RTN1: variants seen among roughly 807,000 people sequenced by gnomAD.
The protein encoded by RTN1 is reticulon-1.
A neutral mutation model predicts 65.5 loss-of-function variants in RTN1; 25 were observed. That is an observed-to-expected ratio of 0.38 (90% confidence interval 0.28 to 0.53). The LOEUF (loss-of-function observed/expected upper bound fraction) is 0.53, where lower values mean the gene tolerates loss of function less well. RTN1 is among the 20% of genes least tolerant of loss of function. RTN1 has a pLI of 0.79. For synonymous variants in RTN1, 471 were observed against 447.6 expected (o/e 1.05, Z -0.66); for missense variants, 983 against 1,025.4 (o/e 0.96, Z 0.57).
At chr14:59,821,787 T>G (rs1886948944) in intron 1 of RTN1, among the ~76,000 whole-genome samples, 1 of 152,232 alleles carries the variant, frequency 6.6e-6, no homozygotes, top group African/African-American at 2.4e-5. Context: ...GCTTTTCTTT[T>G]TAGTTCTGTT....
At chr14:59,686,990 T>G (rs1283172647) in intron 3 of RTN1, among the ~76,000 whole-genome samples, 1 of 152,212 alleles carries the variant, frequency 6.6e-6, no homozygotes, top group East Asian at 1.9e-4. Flanking sequence ...GGTAGTGGCC[T>G]CTGCAACCAG....
intron 1 of RTN1, among the ~76,000 whole-genome samples, chr14:59,754,898 C>T (rs1566715758): frequency 6.6e-6 from 1 of 152,076 alleles, no homozygotes; most frequent in Admixed American, 6.6e-5. Context: ...CACAGCTCCA[C>T]GAGCAGGTGG....
intron 1 of RTN1, among the ~76,000 whole-genome samples, chr14:59,815,945 C>T (rs992000064): frequency 2.6e-5 from 4 of 152,188 alleles, no homozygotes; most frequent in African/African-American, 9.7e-5. Context: ...TGCCTTTGCT[C>T]AGGGTGTTAT....
intron 3 of RTN1, chr14:59,610,361 T>A (rs1881909682): frequency 1.8e-6 from 1 of 555,088 alleles, no homozygotes; most frequent in Non-Finnish European, 3.2e-6. Context: ...ACTGTTATCT[T>A]AAAACAACAG....
chr14:59,797,752 A>C (rs1043716657), intron 1 of RTN1, among the ~76,000 whole-genome samples: 6 of 152,206 alleles, frequency 3.9e-5, no homozygotes, highest in Non-Finnish European at 7.4e-5. Flanking sequence ...GTCATATTAA[A>C]GATAAAATTC....
chr14:59,609,341 T>TGATGCAAAGATGCTA (rs1881873046), intron 3 of RTN1, among the ~76,000 whole-genome samples: 1 of 151,828 alleles, frequency 6.6e-6, no homozygotes, highest in Non-Finnish European at 1.5e-5. Flanking sequence ...TTTTTTTTTT[T>TGATGCAAAGATGCTA]GATGCAAAGA....
chr14:59,611,131 T>C (rs1478659446), intron 3 of RTN1, among the ~76,000 whole-genome samples: 3 of 152,228 alleles, frequency 2.0e-5, no homozygotes, highest in African/African-American at 4.8e-5. Context: ...TCTTTCTCCA[T>C]TGCAATTCCC....
intron 1 of RTN1, among the ~76,000 whole-genome samples, chr14:59,761,901 T>A (rs540231729): frequency 6.6e-6 from 1 of 152,216 alleles, no homozygotes; most frequent in South Asian, 2.1e-4. Context: ...TAAAGCAACA[T>A]CATGGAGAGT....
At chr14:59,750,117 A>T (rs1229067895) in intron 1 of RTN1, among the ~76,000 whole-genome samples, 4 of 61,652 alleles carry the variant, frequency 6.5e-5, no homozygotes, top group Non-Finnish European at 8.5e-5. Flanking sequence ...ATTATATATA[A>T]TATATATTAT....
At chr14:59,753,388 A>T (rs1885570985) in intron 1 of RTN1, among the ~76,000 whole-genome samples, 2 of 152,310 alleles carry the variant, frequency 1.3e-5, no homozygotes, top group South Asian at 2.1e-4. Context: ...TATTTGTGTA[A>T]ATCACACATT....
chr14:59,660,682 A>G (rs1883224879), intron 3 of RTN1, among the ~76,000 whole-genome samples: 1 of 152,218 alleles, frequency 6.6e-6, no homozygotes, highest in African/African-American at 2.4e-5. Flanking sequence ...GTTATTTGAA[A>G]CCAATGAGAA....
chr14:59,734,529 G>C (rs1383451858), intron 2 of RTN1, among the ~76,000 whole-genome samples: 2 of 152,164 alleles, frequency 1.3e-5, no homozygotes, highest in East Asian at 3.9e-4. Context: ...AGCCAGTTTA[G>C]ACTGGAACAT....
intron 1 of RTN1, among the ~76,000 whole-genome samples, chr14:59,835,327 G>A (rs545700093): frequency 1.5e-3 from 235 of 152,206 alleles, no homozygotes; most frequent in African/African-American, 5.5e-3. Context: ...GAAAAGGGGC[G>A]GGGAGAGGGC....
intron 1 of RTN1, among the ~76,000 whole-genome samples, chr14:59,768,204 C>A (rs568749259): frequency 2.1e-3 from 321 of 152,276 alleles, no homozygotes; most frequent in Non-Finnish European, 3.4e-3. Flanking sequence ...GTATTCCTAG[C>A]ACAGTACCTA....
chr14:59,789,941 T>C (rs1886317928), intron 1 of RTN1, among the ~76,000 whole-genome samples: 2 of 152,128 alleles, frequency 1.3e-5, no homozygotes, highest in Non-Finnish European at 1.5e-5. Flanking sequence ...ATGGCTTTTA[T>C]AGGTAATTTC....
chr14:59,647,401 A>T (rs1366300082), intron 3 of RTN1, among the ~76,000 whole-genome samples: 5 of 152,210 alleles, frequency 3.3e-5, no homozygotes, highest in Admixed American at 2.6e-4. Context: ...CAAGGCAGAA[A>T]ATTAACAAGG....
At chr14:59,688,692 A>G (rs1418730445) in intron 3 of RTN1, among the ~76,000 whole-genome samples, 1 of 152,260 alleles carries the variant, frequency 6.6e-6, no homozygotes, top group African/African-American at 2.4e-5. Flanking sequence ...GCATAGGGCT[A>G]TAGAAGCAAA....
At chr14:59,622,971 G>A (rs1010747840) in intron 3 of RTN1, among the ~76,000 whole-genome samples, 1 of 152,150 alleles carries the variant, frequency 6.6e-6, no homozygotes, top group African/African-American at 2.4e-5. Context: ...AAATAATTCT[G>A]TGGATGTTTT....
intron 1 of RTN1, among the ~76,000 whole-genome samples, chr14:59,842,075 G>A (rs1445483184): frequency 2.7e-5 from 4 of 149,450 alleles, no homozygotes; most frequent in African/African-American, 4.9e-5. Context: ...GCAGTGAGCC[G>A]AGATCAGGCC....
Sources: allele counts gnomAD v4.1 joint callset (sites outside exome capture counted in the v4.1 genomes callset), GRCh38; gene constraint gnomAD v4.1.1; transcripts MANE v1.5; gene names NCBI Gene and HGNC (gene_info 2026-07-23, HGNC 2026-07-21).